Variants in PSD2 observed in about 807,000 individuals in gnomAD.
The protein encoded by PSD2 is pleckstrin and Sec7 domain containing 2.
Under a neutral mutation model 69.8 loss-of-function variants are expected in PSD2, and 38 were observed. That is an observed-to-expected ratio of 0.54 (90% CI 0.42 to 0.71). PSD2 has a LOEUF of 0.71. Among genes scored for constraint, PSD2 ranks in the 30% least tolerant of loss-of-function variants. PSD2 has a pLI of 0.00. For missense variants in PSD2, 943 were observed against 1,014.5 expected, an observed-to-expected ratio of 0.93 and a Z score of 0.96; for synonymous variants, 412 against 423.0, an observed-to-expected ratio of 0.97 and a Z score of 0.32.
chr5:139,827,908 C>T (rs978945903), intron 7 of PSD2, among the ~76,000 whole-genome samples: 3 of 151,798 alleles, frequency 2.0e-5, no homozygotes, highest in South Asian at 2.1e-4. Context: ...GGACACAGGG[C>T]GAAACTGTAT....
the PSD2 span, among the ~76,000 whole-genome samples, chr5:139,776,802 G>A: frequency 6.6e-6 from 1 of 151,928 alleles, no homozygotes; most frequent in African/African-American, 2.4e-5. Flanking sequence ...CTGAGTAGCT[G>A]GTGAGCTTCA....
At chr5:139,810,069 G>A (rs988306978) in intron 2 of PSD2, among the ~76,000 whole-genome samples, 5 of 152,056 alleles carry the variant, frequency 3.3e-5, no homozygotes, top group Non-Finnish European at 7.4e-5. Context: ...GGTGGGGGGT[G>A]CTGCCCTCCC....
At chr5:139,766,944 T>TCTTTCTTTCTTTCTTTCTTTCTTC in the PSD2 span, among the ~76,000 whole-genome samples, 61 of 117,670 alleles carry the variant, frequency 5.2e-4, no homozygotes, top group Non-Finnish European at 8.9e-4. Flanking sequence ...TTTCTTTCTT[T>TCTTTCTTTCTTTCTTTCTTTCTTC]CTTTCTTTCT....
rs1469282535 is a variant in PSD2 at position 139,842,878 on chromosome 5, C to G, written c.*404C>G. 1 of 166,128 alleles carries G rather than the reference C, an allele frequency of 6.0e-6. No homozygotes were observed. Among genetic ancestry groups the G allele is most frequent in the African/African-American group, 2.4e-5 (1 of 41,790 alleles). 10.3% of individuals were successfully genotyped at this position (166,128 alleles called of 1,614,324 possible). ...TGACTCTAGGTCTCAGCTGGAACCCCACCCTTTCTCCTCCTCCTTCCTCTG... is the reference window on the plus strand; with the variant it reads ...TGACTCTAGGTCTCAGCTGGAACCCGACCCTTTCTCCTCCTCCTTCCTCTG... On this transcript the variant is annotated 3_prime_UTR_variant, in exon 15 of 15. Transcript: ENST00000274710.
the PSD2 span, among the ~76,000 whole-genome samples, chr5:139,776,127 C>A: frequency 6.6e-6 from 1 of 152,264 alleles, no homozygotes; most frequent in Non-Finnish European, 1.5e-5. Flanking sequence ...AGGATAACAT[C>A]CAGTCTCCTT....
the PSD2 span, among the ~76,000 whole-genome samples, chr5:139,764,434 TG>T: frequency 6.6e-5 from 10 of 151,286 alleles, no homozygotes; most frequent in Non-Finnish European, 1.3e-4. Context: ...CGCCTGTGGG[TG>T]GGGGAGCCAT....
chr5:139,783,270 T>A, the PSD2 span, among the ~76,000 whole-genome samples: 1 of 151,892 alleles, frequency 6.6e-6, no homozygotes, highest in African/African-American at 2.4e-5. Flanking sequence ...CCCTCGTCTC[T>A]ACAAAAATAA....
chr5:139,779,501 C>G, the PSD2 span, among the ~76,000 whole-genome samples: 1 of 152,146 alleles, frequency 6.6e-6, no homozygotes, highest in East Asian at 1.9e-4. Context: ...AACACTTCAA[C>G]ATGTTTATCA....
upstream of PSD2, among the ~76,000 whole-genome samples, chr5:139,795,462 C>T (rs1257348900): frequency 1.3e-5 from 2 of 152,138 alleles, no homozygotes; most frequent in South Asian, 2.1e-4. This position sits in a 1 kb window ranked among gnomAD's most constrained non-coding sequence, Gnocchi z 4.5. Context: ...GGTTCTAGAC[C>T]GGTGGGTCCT....
chr5:139,836,924 C>A lies in PSD2; in HGVS notation c.1517C>A (p.Pro506Gln). Reference sequence around the variant, plus strand: ...GGTGGCAACCCCTTCCTGGATGTCCCACAGGCGCTCAGTGCCACCACCTAC... The same window carrying A: ...GGTGGCAACCCCTTCCTGGATGTCCAACAGGCGCTCAGTGCCACCACCTAC... Reference protein sequence around the residue: ...LDGGNPFLDVPQALSATTYKH... With the variant: ...LDGGNPFLDVQQALSATTYKH... The change falls in exon 10 of 15, where the codon CCA (proline) becomes CAA (glutamine). Residue 506 changes from proline to glutamine, a missense_variant. By Grantham distance (76) the Pro-to-Gln change is moderately conservative. Coordinates refer to ENST00000274710, the MANE Select transcript of PSD2 (RefSeq NM_032289.4). 1 of 1,614,146 alleles carries A rather than the reference C, an allele frequency of 6.2e-7. No homozygotes were observed. Among genetic ancestry groups the A allele is most frequent in the Non-Finnish European group, 8.5e-7 (1 of 1,180,028 alleles).
the PSD2 span, among the ~76,000 whole-genome samples, chr5:139,788,467 C>T: frequency 2.6e-5 from 4 of 152,224 alleles, no homozygotes; most frequent in Non-Finnish European, 5.9e-5. Flanking sequence ...CTAATTCTAG[C>T]AGCTGCGAAT....
At chr5:139,754,441 TA>T in the PSD2 span, among the ~76,000 whole-genome samples, 1 of 152,070 alleles carries the variant, frequency 6.6e-6, no homozygotes, top group South Asian at 2.1e-4. Flanking sequence ...CTCACACCTG[TA>T]ATCTCAGCAC....
intron 14 of PSD2, 120 bp downstream of exon 14, chr5:139,840,290 C>A: frequency 8.7e-7 from 1 of 1,150,646 alleles, no homozygotes; most frequent in Non-Finnish European, 1.2e-6. Context: ...GATGTGGGAG[C>A]TGGGAGGGAA....
chr5:139,828,198 T>C (rs1214359894), intron 7 of PSD2, among the ~76,000 whole-genome samples: 1 of 152,014 alleles, frequency 6.6e-6, no homozygotes, highest in Non-Finnish European at 1.5e-5. Flanking sequence ...TCCAGAGGTA[T>C]TTTTGTTGCA....
intron 7 of PSD2, among the ~76,000 whole-genome samples, chr5:139,833,363 T>C (rs1043806151): frequency 1.3e-5 from 2 of 152,002 alleles, no homozygotes; most frequent in Non-Finnish European, 2.9e-5. Flanking sequence ...CACCTCCTCC[T>C]TGGGGTGAGA....
intron 5 of PSD2, 46 bp from the exon 6 acceptor site, chr5:139,821,846 TG>T: frequency 8.4e-7 from 1 of 1,188,938 alleles, no homozygotes; most frequent in Non-Finnish European, 1.2e-6. Context: ...GGTCTTACCC[TG>T]GGTGAGGACT....
At chr5:139,745,226 T>C in the PSD2 span, 3 of 152,342 alleles carry the variant, frequency 2.0e-5, no homozygotes, top group African/African-American at 4.8e-5. Context: ...CTATGTAGAG[T>C]TGAGTGACAG....
chr5:139,792,036 AGGGAGGTCACTAGAAAT>A (rs1759423463), upstream of PSD2, among the ~76,000 whole-genome samples: 1 of 152,156 alleles, frequency 6.6e-6, no homozygotes, highest in Non-Finnish European at 1.5e-5. Context: ...GCCTAAGCAA[AGGGAGGTCACTAGAAAT>A]GGTTGAGGGG....
chr5:139,801,705 A>G (rs1054169687), intron 1 of PSD2, among the ~76,000 whole-genome samples: 2 of 152,156 alleles, frequency 1.3e-5, no homozygotes, highest in African/African-American at 2.4e-5. Flanking sequence ...ACCCGACTCC[A>G]GTAGCCTACA....
Sources: gnomAD v4.1 joint callset for allele counts (sites outside exome capture counted in the v4.1 genomes callset) on GRCh38, gnomAD v4.1.1 for gene constraint, Gnocchi (gnomAD v3.1) non-coding constraint, MANE v1.5 for transcripts, NCBI Gene and HGNC (gene_info 2026-07-23, HGNC 2026-07-21) for gene names.